Variants in MYO1A observed in about 807,000 individuals in gnomAD.
MYO1A encodes unconventional myosin-Ia.
In MYO1A, 127 loss-of-function variants were observed where a neutral mutation model predicts 138.5. The observed-to-expected ratio is 0.92, with a 90% CI of 0.79 to 1.06. The LOEUF (loss-of-function observed/expected upper bound fraction) is 1.06. Among genes scored for constraint, MYO1A ranks in the 50% least tolerant of loss-of-function variants. The pLI is 0.00. For synonymous variants in MYO1A, 477 were observed against 497.5 expected, an observed-to-expected ratio of 0.96 and a Z score of 0.55; for missense variants, 1,211 against 1,288.8, an observed-to-expected ratio of 0.94 and a Z score of 0.92.
At chr12:57,042,528 G>A (rs2030903542) in intron 12 of MYO1A, among the ~76,000 whole-genome samples, 1 of 152,150 alleles carries the variant, frequency 6.6e-6, no homozygotes, top group Non-Finnish European at 1.5e-5. Flanking sequence ...GGTATCATAT[G>A]GTAACTATTT....
chr12:57,047,313 T>C lies in MYO1A; in HGVS notation c.420A>G (p.Pro140=), dbSNP rs752273734. The change falls in exon 5 of 28, where the codon CCA becomes CCG. Residue 140 remains proline, a synonymous_variant. Transcript: ENST00000300119. The part of the protein sequence containing the change: ...SVKEQLLQSN[P]VLEAFGNAKT... Reference sequence around the variant, plus strand: ...GAGCAGAATTCTCACCCTCCAGCACTGGGTTAGACTGTAGCAGCTGCTCCT... The same window carrying C: ...GAGCAGAATTCTCACCCTCCAGCACCGGGTTAGACTGTAGCAGCTGCTCCT... 6.8e-6 allele frequency: 11 copies of C among 1,613,990 alleles called. No individual in the cohort carries two copies. The highest frequency in any genetic ancestry group is 1.6e-4 in the Middle Eastern group (1 of 6,062).
In MYO1A at chr12:57,028,823, C is replaced by G. The variant is rs1347553066; in HGVS notation, c.3064G>C (p.Gly1022Arg). Residue 1022 changes from glycine to arginine, a missense_variant, in exon 28 of 28, where the codon GGT (glycine) becomes CGT (arginine). By Grantham distance (125) the Gly-to-Arg change is moderately radical. Transcript: ENST00000300119. ...VAVKVVQGPAGGDNSKLRYKK... is the reference protein window; with the variant it reads ...VAVKVVQGPARGDNSKLRYKK... Reference sequence around the variant, plus strand: ...TAGCGTAGCTTGCTGTTGTCACCACCTGCAGGGCCCTGGACGACCTTGACA... The same window carrying G: ...TAGCGTAGCTTGCTGTTGTCACCACGTGCAGGGCCCTGGACGACCTTGACA... 2.5e-6 allele frequency: 4 copies of G among 1,613,998 alleles called. No individual in the cohort carries two copies. Among genetic ancestry groups the G allele is most frequent in the Non-Finnish European group, 3.4e-6 (4 of 1,180,020 alleles).
rs142431065 is a variant in MYO1A at position 57,046,698 on chromosome 12, G to A, written c.542-48C>T. On this transcript the variant is annotated intron_variant, in intron 7 of 27. Coordinates refer to ENST00000300119, the MANE Select transcript of MYO1A (RefSeq NM_005379.4). ...ATATCCTGAGGGCCTGGGAGATGCC[G>A]TAGCTTCTCCAGCCCTACTGGAGAA... 28 of 1,541,010 alleles carry A rather than the reference G, an allele frequency of 1.8e-5. No individual in the cohort carries two copies. In the Admixed American group the frequency reaches 2.0e-4, roughly 11 times the overall value.
At chr12:57,043,760 G>A in intron 10 of MYO1A, 96 bp downstream of exon 10, 1 of 1,533,506 alleles carries the variant, frequency 6.5e-7, no homozygotes, top group South Asian at 1.2e-5. Flanking sequence ...GACTGCATCA[G>A]GGTGAGATCA....
In MYO1A at chr12:57,028,707, T is replaced by A. The variant is rs755970031; in HGVS notation, c.*48A>T. 1.9e-6 allele frequency: 3 copies of A among 1,610,766 alleles called. No homozygotes were observed. The Admixed American group carries it at 5.0e-5, about 27-fold the overall frequency. ...ACACAGGAGGGCAGAGGGGGATTAG[T>A]GCTGGTTCAGGAGGAAGCAACTGCC... On this transcript the variant is annotated 3_prime_UTR_variant, in exon 28 of 28. Transcript: ENST00000300119.
At chr12:57,041,051 G>T in intron 14 of MYO1A, 133 bp downstream of exon 14, 1 of 716,468 alleles carries the variant, frequency 1.4e-6, no homozygotes, top group Non-Finnish European at 2.5e-6. Context: ...GATCTACTAT[G>T]CAAGGGAAAC....
intron 24 of MYO1A, 40 bp downstream of exon 24, chr12:57,030,170 C>A (rs751221060): frequency 1.3e-6 from 2 of 1,538,460 alleles, no homozygotes; most frequent in Non-Finnish European, 1.8e-6. Flanking sequence ...AGAACTGCTG[C>A]GTGATGGAAC....
At chr12:57,047,874 G>A in intron 3 of MYO1A, 115 bp downstream of exon 3, 1 of 1,558,580 alleles carries the variant, frequency 6.4e-7, no homozygotes. Flanking sequence ...CAGAAGGCCA[G>A]GGAAGGAAGG....
chr12:57,029,186 T>G lies in MYO1A; in HGVS notation c.2951A>C (p.Tyr984Ser). The G allele has an allele frequency of 6.2e-7, 1 of 1,613,966 alleles. No individual in the cohort carries two copies. Among genetic ancestry groups the G allele is most frequent in the Non-Finnish European group, 8.5e-7 (1 of 1,179,990 alleles). The change falls in exon 27 of 28, where the codon TAC (tyrosine) becomes TCC (serine). Residue 984 changes from tyrosine to serine, a missense_variant. Physicochemically the swap from Tyr to Ser is moderately radical, Grantham distance 144. Transcript: ENST00000300119. ...CTGCGTGGCATCCAGCACAGCCCGGTACATTTTGGTCAGCAGTTCAATCAC... is the reference window on the plus strand; with the variant it reads ...CTGCGTGGCATCCAGCACAGCCCGGGACATTTTGGTCAGCAGTTCAATCAC... ...EHVIELLTKM[Y>S]RAVLDATQRQ...
intron 22 of MYO1A, among the ~76,000 whole-genome samples, chr12:57,033,389 T>A (rs778762010): frequency 1.1e-4 from 17 of 152,226 alleles, no homozygotes; most frequent in Non-Finnish European, 2.5e-4. Flanking sequence ...GGTTTTGCTC[T>A]GTCGCCCAGG....
intron 9 of MYO1A, 33 bp from the exon 10 acceptor site, chr12:57,044,036 T>G: frequency 3.7e-6 from 6 of 1,614,078 alleles, no homozygotes; most frequent in South Asian, 1.1e-5. Context: ...AAAGCTGAAC[T>G]GTTGGTGCCA....
Position 57,029,227 on chromosome 12 carries a change from C to G in MYO1A, c.2910G>C (p.Leu970=). ...MSSVGSKGDF[L]LVSEHVIELL... is the part of the protein sequence containing the mutation. ...GTTCAATCACATGCTCGCTGACCAG[C>G]AGGAAGTCCCCCTTGGAGCCCACCG... The change falls in exon 27 of 28, where the codon CTG becomes CTC. Residue 970 remains leucine (L), a synonymous_variant. Coordinates refer to ENST00000300119, the MANE Select transcript of MYO1A (RefSeq NM_005379.4). The G allele has an allele frequency of 6.2e-7, 1 of 1,614,142 alleles. No homozygotes were observed. The highest frequency in any genetic ancestry group is 8.5e-7 in the Non-Finnish European group (1 of 1,180,030).
chr12:57,036,693 GCT>G (rs1157127268), intron 21 of MYO1A, 77 bp downstream of exon 21: 10 of 1,536,664 alleles, frequency 6.5e-6, no homozygotes, highest in African/African-American at 1.4e-5. Context: ...GGCAGGACTA[GCT>G]CTCTGCTGCT....
Position 57,044,168 on chromosome 12 carries a change from G to C in MYO1A, c.682C>G (p.Leu228Val), listed in dbSNP as rs137975387. Residue 228 changes from leucine to valine, a missense_variant, in exon 9 of 28, where the codon CTG becomes GTG. Coordinates refer to ENST00000300119, the MANE Select transcript of MYO1A (RefSeq NM_005379.4). ...LERDTTGYAY[L>V]NHEVSRVDGM... ...TCCACTCTGGATACTTCATGATTCA[G>C]ATAGGCATAGCCAGTTGTATCCCGC... is the stretch of plus-strand genomic sequence containing the variant. The C allele has an allele frequency of 2.1e-4, 343 of 1,614,170 alleles. No homozygotes were observed. The African/African-American group carries it at 4.1e-3, about 19-fold the overall frequency.
At chr12:57,029,402 C>T (rs1301711387) in intron 26 of MYO1A, 33 bp downstream of exon 26, 1 of 1,614,014 alleles carries the variant, frequency 6.2e-7, no homozygotes, top group Non-Finnish European at 8.5e-7. Context: ...CCACCTTCTC[C>T]AGTCCAAGGC....
chr12:57,035,468 T>G (rs1299277754), intron 22 of MYO1A, among the ~76,000 whole-genome samples: 1 of 152,184 alleles, frequency 6.6e-6, no homozygotes, highest in Non-Finnish European at 1.5e-5. Context: ...AAAGAGGGGC[T>G]GCAAGCAAAC....
At position 57,036,334 on chromosome 12, in the gene MYO1A, G is replaced by A; in HGVS notation, c.2322C>T (p.Thr774=). Residue 774 remains threonine (T), a synonymous_variant, in exon 22 of 28, where the codon ACC becomes ACT. Coordinates refer to ENST00000300119, the MANE Select transcript of MYO1A (RefSeq NM_005379.4). ...RKYFRSEAAL[T]LADFIYKSMV... ...TGCTCTTGTAGATGAAATCTGCCAA[G>A]GTGAGGGCAGCCTCTGACCGGAAAT... 6.2e-7 allele frequency: 1 copy of A among 1,613,842 alleles called. No homozygotes were observed. Among genetic ancestry groups the A allele is most frequent in the East Asian group, 2.2e-5 (1 of 44,888 alleles).
chr12:57,030,309 C>T lies in MYO1A; in HGVS notation c.2492G>A (p.Arg831Lys), dbSNP rs1225430497. The part of the protein sequence containing the change: ...QQLFYQWKCK[R>K]FRDQLSPKQV... ...CTTCGGGGACAGCTGATCCCGGAACCTCTTGCACTGTGAGGAAGGAGGGAC... is the reference window on the plus strand; with the variant it reads ...CTTCGGGGACAGCTGATCCCGGAACTTCTTGCACTGTGAGGAAGGAGGGAC... The change falls in exon 24 of 28, where the codon AGG becomes AAG. Residue 831 changes from arginine (R) to lysine (K), a missense_variant. By Grantham distance (26) the Arg-to-Lys change is conservative. Coordinates refer to ENST00000300119, the MANE Select transcript of MYO1A (RefSeq NM_005379.4). The T allele has an allele frequency of 6.2e-7, 1 of 1,613,740 alleles. No homozygotes were observed. The highest frequency in any genetic ancestry group is 8.5e-7 in the Non-Finnish European group (1 of 1,179,772).
intron 14 of MYO1A, among the ~76,000 whole-genome samples, chr12:57,039,658 C>T (rs746188488): frequency 2.6e-5 from 4 of 152,206 alleles, no homozygotes; most frequent in Non-Finnish European, 5.9e-5. Context: ...CTCTATAAAA[C>T]CACAGCACGT....
Sources: gnomAD v4.1 joint callset for allele counts (sites outside exome capture counted in the v4.1 genomes callset) on GRCh38, gnomAD v4.1.1 for gene constraint, MANE v1.5 for transcripts, NCBI Gene and HGNC (gene_info 2026-07-23, HGNC 2026-07-21) for gene names.